CRTC1: variants seen among roughly 807,000 people sequenced by gnomAD.
CRTC1 encodes CREB regulated transcription coactivator 1.
In CRTC1, 18 loss-of-function variants were observed where a neutral mutation model predicts 66.1. That is an observed-to-expected ratio of 0.27 (90% CI 0.19 to 0.40). The LOEUF (loss-of-function observed/expected upper bound fraction) is 0.40, where lower values mean the gene tolerates loss of function less well. CRTC1 is among the 10% of genes least tolerant of loss of function. The pLI is 1.00. For missense variants in CRTC1, 669 were observed against 887.9 expected (o/e 0.75, Z 3.13); for synonymous variants, 416 against 398.8 (o/e 1.04, Z -0.51).
intron 1 of CRTC1, among the ~76,000 whole-genome samples, chr19:18,693,002 G>A (rs1282429386): frequency 2.0e-5 from 3 of 148,880 alleles, no homozygotes; most frequent in African/African-American, 7.5e-5. Context: ...TTGAACCTGG[G>A]AGGTGGAGGT....
At chr19:18,695,813 C>T (rs191202090) in intron 1 of CRTC1, among the ~76,000 whole-genome samples, 11 of 152,192 alleles carry the variant, frequency 7.2e-5, no homozygotes, top group African/African-American at 2.2e-4. Flanking sequence ...TGCGGTGAGC[C>T]GAGATCGCGT....
intron 6 of CRTC1, among the ~76,000 whole-genome samples, chr19:18,755,887 C>A (rs1450700016): frequency 3.3e-5 from 5 of 152,074 alleles, no homozygotes; most frequent in Non-Finnish European, 7.4e-5. Context: ...CAGGCATGAG[C>A]CACCTCGCCT....
At chr19:18,750,024 A>G (rs1600935254) in intron 5 of CRTC1, 149 bp downstream of exon 5, 1 of 683,818 alleles carries the variant, frequency 1.5e-6, no homozygotes. Flanking sequence ...GGGATCGGAA[A>G]CTTTCAGAGG....
chr19:18,713,300 A>G (rs1490173335), intron 1 of CRTC1, among the ~76,000 whole-genome samples: 1 of 152,190 alleles, frequency 6.6e-6, no homozygotes, highest in African/African-American at 2.4e-5. Context: ...GTTGATGGGC[A>G]TTTGGCCTGT....
intron 1 of CRTC1, among the ~76,000 whole-genome samples, chr19:18,688,597 C>G (rs2052747139): frequency 6.6e-6 from 1 of 152,004 alleles, no homozygotes; most frequent in Non-Finnish European, 1.5e-5. Context: ...CACCACCACG[C>G]CTGAGTAATT....
intron 2 of CRTC1, among the ~76,000 whole-genome samples, chr19:18,743,710 G>A (rs1808349078): frequency 6.6e-6 from 1 of 152,182 alleles, no homozygotes; most frequent in African/African-American, 2.4e-5. Context: ...GATGGAGCCG[G>A]GGCCCCTCCC....
chr19:18,725,093 C>T (rs1230537472), intron 1 of CRTC1, among the ~76,000 whole-genome samples: 1 of 152,102 alleles, frequency 6.6e-6, no homozygotes, highest in Non-Finnish European at 1.5e-5. Context: ...CCAGGAGACC[C>T]CTGTATGCTT....
At chr19:18,766,712 G>C (rs2054745475) in intron 9 of CRTC1, among the ~76,000 whole-genome samples, 1 of 152,208 alleles carries the variant, frequency 6.6e-6, no homozygotes, top group African/African-American at 2.4e-5. Context: ...CTCCCAAAGT[G>C]CTGGGACTAT....
chr19:18,744,418 G>A (rs2054183849), intron 2 of CRTC1, among the ~76,000 whole-genome samples: 1 of 152,198 alleles, frequency 6.6e-6, no homozygotes, highest in African/African-American at 2.4e-5. Context: ...ATCCCCATCT[G>A]GGGTCCAGCA....
chr19:18,766,287 A>ATTTTTTTTTTTT (rs1020411277), intron 9 of CRTC1, among the ~76,000 whole-genome samples: 2 of 109,678 alleles, frequency 1.8e-5, no homozygotes, highest in Non-Finnish European at 3.7e-5. Context: ...TGCCTGGCTA[A>ATTTTTTTTTTTT]TTTTTTTTTT....
chr19:18,685,386 G>A (rs1445113450), intron 1 of CRTC1, among the ~76,000 whole-genome samples: 2 of 152,120 alleles, frequency 1.3e-5, no homozygotes, highest in Non-Finnish European at 2.9e-5. Context: ...GGCCAGGTGT[G>A]GTGGCTCATG....
intron 1 of CRTC1, among the ~76,000 whole-genome samples, chr19:18,738,976 G>A (rs2145712304): frequency 6.6e-6 from 1 of 152,290 alleles, no homozygotes; most frequent in East Asian, 1.9e-4. Context: ...GGCGGCTGGA[G>A]GGAGTGAGGC....
chr19:18,715,857 C>T (rs1157881838), intron 1 of CRTC1, among the ~76,000 whole-genome samples: 1 of 152,228 alleles, frequency 6.6e-6, no homozygotes, highest in East Asian at 1.9e-4. Context: ...AGGGCTGCAT[C>T]CTGTTTCCCT....
At chr19:18,698,495 C>A (rs1389495969) in intron 1 of CRTC1, among the ~76,000 whole-genome samples, 1 of 150,698 alleles carries the variant, frequency 6.6e-6, no homozygotes, top group East Asian at 2.0e-4. Context: ...ACAGTGTGTA[C>A]TCAGCAGGCG....
rs1380894658 is a variant in CRTC1, at chr19:18,777,133, G to A, written c.1694-38G>A. The A allele has an allele frequency of 8.4e-7, 1 of 1,186,732 alleles. No homozygotes were observed. Among genetic ancestry groups the A allele is most frequent in the East Asian group, 2.3e-5 (1 of 42,876 alleles). The allele number at this position is 1,186,732 out of a possible 1,614,324, so 73.5% of individuals were successfully genotyped here. A position where few individuals can be genotyped will look rare whatever the true frequency, so the allele number is the denominator to read the frequency against. ...ACATGGATGCGAGCGATGGAGCCAG[G>A]GCTAAGCAGTGCCTTTTGTCCCCAC... On this transcript the variant is annotated intron_variant, in intron 13 of 13. Coordinates refer to ENST00000321949, the MANE Select transcript of CRTC1 (RefSeq NM_015321.3). This position sits in a 1 kb window ranked among gnomAD's most constrained non-coding sequence, Gnocchi z 5.5.
At chr19:18,723,511 G>A (rs1416342706) in intron 1 of CRTC1, among the ~76,000 whole-genome samples, 1 of 152,224 alleles carries the variant, frequency 6.6e-6, no homozygotes, top group Non-Finnish European at 1.5e-5. Flanking sequence ...CCAGAGGTGC[G>A]GAGCCACGTG....
chr19:18,706,464 C>A (rs1450217968), intron 1 of CRTC1, among the ~76,000 whole-genome samples: 1 of 151,894 alleles, frequency 6.6e-6, no homozygotes, highest in Non-Finnish European at 1.5e-5. Flanking sequence ...GCCTTGGCCT[C>A]CCGAAGTGTT....
chr19:18,717,843 GC>G (rs2053542000), intron 1 of CRTC1, among the ~76,000 whole-genome samples: 1 of 152,040 alleles, frequency 6.6e-6, no homozygotes, highest in African/African-American at 2.4e-5. Context: ...CGTGTGTGAG[GC>G]AGGAACAGTA....
intron 9 of CRTC1, among the ~76,000 whole-genome samples, chr19:18,767,606 C>T (rs188931746): frequency 2.0e-5 from 3 of 152,334 alleles, no homozygotes; most frequent in South Asian, 2.1e-4. Flanking sequence ...TTCTCCCCGC[C>T]CCTCGGCCCC....
Sources: gnomAD v4.1 joint callset for allele counts (sites outside exome capture counted in the v4.1 genomes callset) on GRCh38, gnomAD v4.1.1 for gene constraint, Gnocchi (gnomAD v3.1) non-coding constraint, MANE v1.5 for transcripts, NCBI Gene and HGNC (gene_info 2026-07-23, HGNC 2026-07-21) for gene names.